The following FOXO1 variants were observed in gnomAD, a reference collection of about 807,000 sequenced individuals.
The protein encoded by FOXO1 is forkhead box O1.
FOXO1 carries 6 observed loss-of-function variants against 44.1 expected under a neutral mutation model. The observed-to-expected ratio is 0.14, with a 90% CI of 0.07 to 0.27. The LOEUF (loss-of-function observed/expected upper bound fraction) is 0.27. FOXO1 is among the 10% of genes least tolerant of loss of function. The pLI is 1.00. For synonymous variants in FOXO1, 380 were observed against 362.7 expected, an observed-to-expected ratio of 1.05 and a Z score of -0.54; for missense variants, 737 against 888.8, an observed-to-expected ratio of 0.83 and a Z score of 2.17.
chr13:40,660,306 T>C (rs764103516), intron 1 of FOXO1, among the ~76,000 whole-genome samples: 5 of 152,166 alleles, frequency 3.3e-5, no homozygotes, highest in African/African-American at 7.2e-5. Flanking sequence ...TTACACTGCC[T>C]TTCCAAGAGG....
chr13:40,603,701 T>C (rs187494195), intron 1 of FOXO1, among the ~76,000 whole-genome samples: 5 of 152,326 alleles, frequency 3.3e-5, no homozygotes, highest in Admixed American at 6.5e-5. Context: ...GAGTTCTTCA[T>C]GGTTTCCCCT....
chr13:40,571,246 T>A (rs180834805), intron 1 of FOXO1, among the ~76,000 whole-genome samples: 13 of 152,016 alleles, frequency 8.6e-5, no homozygotes. Context: ...GGGGGAGGGA[T>A]AGCATTAGGA....
At chr13:40,648,069 A>G (rs1469893641) in intron 1 of FOXO1, among the ~76,000 whole-genome samples, 1 of 152,186 alleles carries the variant, frequency 6.6e-6, no homozygotes, top group Non-Finnish European at 1.5e-5. Flanking sequence ...GTGCATAAGA[A>G]AATACAATTT....
At chr13:40,599,582 G>A (rs967705110) in intron 1 of FOXO1, among the ~76,000 whole-genome samples, 4 of 152,272 alleles carry the variant, frequency 2.6e-5, no homozygotes, top group Non-Finnish European at 4.4e-5. Context: ...AAATGGAATC[G>A]TGTGGCATGT....
intron 1 of FOXO1, among the ~76,000 whole-genome samples, chr13:40,590,275 T>A (rs867732573): frequency 3.2e-4 from 48 of 152,200 alleles, no homozygotes; most frequent in African/African-American, 1.2e-3. Flanking sequence ...TAATAACATC[T>A]AAGCCCAATG....
At chr13:40,606,436 A>C (rs1462508369) in intron 1 of FOXO1, among the ~76,000 whole-genome samples, 1 of 151,950 alleles carries the variant, frequency 6.6e-6, no homozygotes, top group Non-Finnish European at 1.5e-5. Context: ...CAGCCTCCTG[A>C]GTAGCTGGGA....
chr13:40,572,688 C>A (rs1296368227), intron 1 of FOXO1, among the ~76,000 whole-genome samples: 1 of 152,174 alleles, frequency 6.6e-6, no homozygotes, highest in East Asian at 1.9e-4. Context: ...CCAATAATAG[C>A]AAAACTATTT....
chr13:40,597,865 G>A (rs986749034), intron 1 of FOXO1, among the ~76,000 whole-genome samples: 21 of 152,154 alleles, frequency 1.4e-4, no homozygotes, highest in South Asian at 4.1e-4. Flanking sequence ...AATAATGTGT[G>A]TGTCCAGTAC....
intron 1 of FOXO1, chr13:40,618,980 C>G (rs930146016): frequency 5.7e-6 from 3 of 521,758 alleles, no homozygotes; most frequent in Non-Finnish European, 7.7e-6. Flanking sequence ...AGCATCTCAG[C>G]CTGACTCGAG....
chr13:40,665,196 C>G (rs1409377735), intron 1 of FOXO1, among the ~76,000 whole-genome samples: 3 of 152,080 alleles, frequency 2.0e-5, no homozygotes, highest in Middle Eastern at 3.4e-3. Flanking sequence ...AACCCGCCCT[C>G]CCCCCGCGGA....
chr13:40,556,515 T>C lies in FOXO1; in HGVS notation c.*2534A>G, dbSNP rs1458713363. 6.6e-6 allele frequency: 1 copy of C among 152,512 alleles called. No individual in the cohort carries two copies. Among genetic ancestry groups the C allele is most frequent in the Non-Finnish European group, 1.5e-5 (1 of 68,016 alleles). The allele number at this position is 152,512 out of a possible 1,614,324, so 9.4% of individuals were successfully genotyped here. A position where few individuals can be genotyped will look rare whatever the true frequency, so the allele number is the denominator to read the frequency against. ...ATCATTTGCACATTTCACAAAGCAA[T>C]CATGTACAATAACTGATATATACTC... On this transcript the variant is annotated 3_prime_UTR_variant, in exon 3 of 3. Coordinates refer to ENST00000379561, the MANE Select transcript of FOXO1 (RefSeq NM_002015.4).
Position 40,628,356 on chromosome 13 carries a change from T to TACACACACAC in FOXO1, c.630+37217_630+37226dup, listed in dbSNP as rs34314244. Among the ~76,000 whole-genome samples, 1,106 of 145,276 alleles carry TACACACACAC rather than the reference T, an allele frequency of 7.6e-3. 5 individuals carry two copies. Among genetic ancestry groups the TACACACACAC allele is most frequent in the Non-Finnish European group, 0.011 (706 of 65,818 alleles). On this transcript the variant is annotated intron_variant, in intron 1 of 2. Transcript: ENST00000379561. ...TCAGCTATTCCTCAAAAGAGCTGTT[T>TACACACACAC]ACACACACACACACACACACACACA...
intron 1 of FOXO1, among the ~76,000 whole-genome samples, chr13:40,634,234 A>T (rs1361261413): frequency 6.6e-6 from 1 of 152,234 alleles, no homozygotes; most frequent in Non-Finnish European, 1.5e-5. Context: ...TTTCCCAATG[A>T]TACCAAAAAG....
chr13:40,632,225 C>T (rs1876988267), intron 1 of FOXO1, among the ~76,000 whole-genome samples: 1 of 152,144 alleles, frequency 6.6e-6, no homozygotes, highest in African/African-American at 2.4e-5. Context: ...GAGCCAGTAT[C>T]ACGCCACTGC....
At chr13:40,653,345 C>T (rs1449894979) in intron 1 of FOXO1, among the ~76,000 whole-genome samples, 1 of 152,162 alleles carries the variant, frequency 6.6e-6, no homozygotes, top group African/African-American at 2.4e-5. Context: ...AAGATGAAGA[C>T]CCTCTCATTC....
At chr13:40,571,039 G>A (rs992325220) in intron 1 of FOXO1, among the ~76,000 whole-genome samples, 1 of 152,114 alleles carries the variant, frequency 6.6e-6, no homozygotes, top group African/African-American at 2.4e-5. Flanking sequence ...CATACGCTTG[G>A]GTTTAATGAT....
intron 1 of FOXO1, among the ~76,000 whole-genome samples, chr13:40,565,576 G>A (rs1429703389): frequency 6.6e-6 from 1 of 152,104 alleles, no homozygotes; most frequent in East Asian, 1.9e-4. Context: ...CCACTACACT[G>A]TGAGCTGCTC....
intron 1 of FOXO1, among the ~76,000 whole-genome samples, chr13:40,658,847 A>C (rs1384732554): frequency 1.3e-5 from 2 of 152,072 alleles, no homozygotes; most frequent in South Asian, 2.1e-4. Context: ...GTCTCTACTA[A>C]AAATACAAAA....
intron 1 of FOXO1, chr13:40,562,854 A>T (rs1373306324): frequency 6.6e-6 from 1 of 152,608 alleles, no homozygotes; most frequent in East Asian, 1.9e-4. Context: ...GTGGAAAAGG[A>T]GACGAGGGAA....
Sources: gnomAD v4.1 joint callset for allele counts (sites outside exome capture counted in the v4.1 genomes callset) on GRCh38, gnomAD v4.1.1 for gene constraint, MANE v1.5 for transcripts, NCBI Gene and HGNC (gene_info 2026-07-23, HGNC 2026-07-21) for gene names.